Variants in SS18L1 observed in about 807,000 individuals in gnomAD.
SS18L1 encodes the protein calcium-responsive transactivator.
In SS18L1, 32 loss-of-function variants were observed where a neutral mutation model predicts 70.3. The observed-to-expected ratio is 0.46, with a 90% CI of 0.34 to 0.61. SS18L1 has a LOEUF of 0.61. Ranked by LOEUF, SS18L1 falls within the 20% of genes least tolerant of loss-of-function variation. SS18L1 has a pLI of 0.01. For synonymous variants in SS18L1, 237 were observed against 229.7 expected (o/e 1.03, Z -0.29); for missense variants, 430 against 542.1 (o/e 0.79, Z 2.05).
chr20:62,146,605 A>ATTTTTTTGTTTTTTTTTTTTTTTTTTTTT (rs2057031959), intron 1 of SS18L1, among the ~76,000 whole-genome samples: 1 of 79,714 alleles, frequency 1.3e-5, no homozygotes, highest in African/African-American at 5.2e-5. Context: ...TGCTTTGATC[A>ATTTTTTTGTTTTTTTTTTTTTTTTTTTTT]TTTTTTTTTT....
intron 1 of SS18L1, among the ~76,000 whole-genome samples, chr20:62,146,604 C>CTTTTTTTTTTTTTTTTTTT (rs1339898731): frequency 4.1e-4 from 14 of 34,140 alleles, no homozygotes; most frequent in African/African-American, 1.4e-3. Flanking sequence ...CTGCTTTGAT[C>CTTTTTTTTTTTTTTTTTTT]ATTTTTTTTT....
chr20:62,175,798 A>G (rs1181988648), intron 10 of SS18L1, among the ~76,000 whole-genome samples: 1 of 152,232 alleles, frequency 6.6e-6, no homozygotes, highest in Non-Finnish European at 1.5e-5. Flanking sequence ...AGATGTAGAG[A>G]AGCCTAAAGA....
chr20:62,144,634 C>G (rs919023925), intron 1 of SS18L1, among the ~76,000 whole-genome samples: 8 of 152,274 alleles, frequency 5.3e-5, no homozygotes, highest in African/African-American at 1.9e-4. Flanking sequence ...AACCTTTCTT[C>G]TAGCTCCGTA....
At chr20:62,147,444 C>G (rs2145688541) in intron 1 of SS18L1, among the ~76,000 whole-genome samples, 1 of 152,336 alleles carries the variant, frequency 6.6e-6, no homozygotes, top group South Asian at 2.1e-4. Context: ...GCTGTTGGGG[C>G]TGGGCCTGCA....
chr20:62,163,677 G>A lies in SS18L1; in HGVS notation c.721+55G>A, dbSNP rs1009294865. On this transcript the variant is annotated intron_variant, in intron 6 of 10. Coordinates refer to ENST00000331758, the MANE Select transcript of SS18L1 (RefSeq NM_198935.3). The stretch of plus-strand genomic sequence containing the variant: ...ACAGCTGACCGCCGCGGGTCGTGAA[G>A]TGCCAGGCTGTGTGTGCTTCTCTTC... The A allele has an allele frequency of 4.2e-5, 62 of 1,474,000 alleles. No individual in the cohort carries two copies. In the East Asian group the frequency reaches 1.4e-3, roughly 34 times the overall value. 91.3% of individuals were successfully genotyped at this position (1,474,000 alleles called of 1,614,324 possible).
rs1395017902 is a variant in SS18L1, at chr20:62,161,717, G to T, written c.376+137G>T. The stretch of plus-strand genomic sequence containing the variant: ...ACCCACTCCTCCTGGGGTAGCCACA[G>T]GTCGGCTGCCATCGCCCAGGCTCAG... On this transcript the variant is annotated intron_variant, in intron 4 of 10. Coordinates refer to ENST00000331758, the MANE Select transcript of SS18L1 (RefSeq NM_198935.3). The surrounding 1 kb of genome is among the most constrained non-coding windows in gnomAD (Gnocchi z 4.4). 3 of 1,329,566 alleles carry T rather than the reference G, an allele frequency of 2.3e-6. No individual in the cohort carries two copies. The highest frequency in any genetic ancestry group is 3.0e-6 in the Non-Finnish European group (3 of 998,118). The allele number at this position is 1,329,566 out of a possible 1,614,324, so 82.4% of individuals were successfully genotyped here.
rs533181245 is a variant in SS18L1 at position 62,159,755 on chromosome 20, A to G, written c.147-122A>G. On this transcript the variant is annotated intron_variant, in intron 2 of 10. Transcript: ENST00000331758. This position sits in a 1 kb window ranked among gnomAD's most constrained non-coding sequence, Gnocchi z 4.4. The stretch of plus-strand genomic sequence containing the variant: ...TCCAGCTGGGTGTCATCTGGGGTCC[A>G]TGTCCTCATGGGGTTTGGCTGGATG... 3 of 929,274 alleles carry G rather than the reference A, an allele frequency of 3.2e-6. No individual in the cohort carries two copies. The highest frequency in any genetic ancestry group is 4.8e-6 in the Non-Finnish European group (3 of 620,570). The allele number at this position is 929,274 out of a possible 1,614,324, so 57.6% of individuals were successfully genotyped here.
intron 1 of SS18L1, among the ~76,000 whole-genome samples, chr20:62,157,843 A>C (rs1601009231): frequency 2.6e-5 from 4 of 151,954 alleles, no homozygotes; most frequent in African/African-American, 9.7e-5. Flanking sequence ...CCGGTTCCGC[A>C]GTCTCACGCA....
chr20:62,152,355 G>GT (rs2057148798), intron 1 of SS18L1, among the ~76,000 whole-genome samples: 1 of 152,200 alleles, frequency 6.6e-6, no homozygotes, highest in Non-Finnish European at 1.5e-5. Flanking sequence ...CCTCCTTGCT[G>GT]CGGCCCCCGA....
rs187280338 is a variant in SS18L1, at chr20:62,174,965, C to T, written c.1164+321C>T. 5.4e-5 allele frequency: 51 copies of T among 946,328 alleles called. No individual in the cohort carries two copies. The highest frequency in any genetic ancestry group is 5.4e-4 in the Middle Eastern group (1 of 1,840). 58.6% of individuals were successfully genotyped at this position (946,328 alleles called of 1,614,324 possible). On this transcript the variant is annotated intron_variant, in intron 10 of 10. Coordinates refer to ENST00000331758, the MANE Select transcript of SS18L1 (RefSeq NM_198935.3). The surrounding 1 kb of genome is among the most constrained non-coding windows in gnomAD (Gnocchi z 4.1). ...CTCTGCTGAGTGCTTGGTGTGTGGC[C>T]GCGACACGAACCCTGCACTTTTAGA...
Position 62,175,060 on chromosome 20 carries a change from G to T in SS18L1, c.1164+416G>T, listed in dbSNP as rs1455891107. On this transcript the variant is annotated intron_variant, in intron 10 of 10. Transcript: ENST00000331758. The stretch of plus-strand genomic sequence containing the variant: ...GACTGTGCTGAGGACAGAGCGGGGG[G>T]CCCCAAATGGAGCCCGCCTTCCAGA... 5.7e-5 allele frequency: 41 copies of T among 722,064 alleles called. 1 individual carries two copies. The Admixed American group carries it at 2.4e-3, about 42-fold the overall frequency. 44.7% of individuals were successfully genotyped at this position (722,064 alleles called of 1,614,324 possible).
Position 62,158,742 on chromosome 20 carries a change from G to A in SS18L1, c.140G>A (p.Cys47Tyr), listed in dbSNP as rs1436257848. ...EYQSKGKTAECTQYQQILHRN... is the reference protein window; with the variant it reads ...EYQSKGKTAEYTQYQQILHRN... Reference sequence around the variant, plus strand: ...CAGAGCAAGGGCAAGACGGCCGAGTGCACGCAGTGAGTGCCCGCCATACAC... The same window carrying A: ...CAGAGCAAGGGCAAGACGGCCGAGTACACGCAGTGAGTGCCCGCCATACAC... Residue 47 changes from cysteine to tyrosine, a missense_variant, in exon 2 of 11, where the codon TGC (cysteine) becomes TAC (tyrosine). Cys to Tyr is a radical substitution (Grantham distance 194). Coordinates refer to ENST00000331758, the MANE Select transcript of SS18L1 (RefSeq NM_198935.3). This position sits in a 1 kb window ranked among gnomAD's most constrained non-coding sequence, Gnocchi z 4.5. 1.2e-6 allele frequency: 2 copies of A among 1,612,988 alleles called. No homozygotes were observed. The highest frequency in any genetic ancestry group is 8.5e-7 in the Non-Finnish European group (1 of 1,180,026).
At chr20:62,172,328 G>GAAA (rs59726721) in intron 8 of SS18L1, among the ~76,000 whole-genome samples, 2 of 137,158 alleles carry the variant, frequency 1.5e-5, no homozygotes, top group African/African-American at 2.6e-5. Context: ...CCCTGTCTCT[G>GAAA]AAAAAAAAAA....
chr20:62,149,499 C>T (rs2057089845), intron 1 of SS18L1, among the ~76,000 whole-genome samples: 1 of 152,220 alleles, frequency 6.6e-6, no homozygotes, highest in Non-Finnish European at 1.5e-5. Flanking sequence ...CAGGCAGGTC[C>T]TTGGTGTTAC....
In SS18L1 at chr20:62,179,294, CAT is replaced by C; in HGVS notation, c.*87_*88del. ...TGGCGGCAGCTCTGGTGAATTGTGA[CAT>C]GTTGGTTACCTGTTCGCCCAGTGCC... On this transcript the variant is annotated 3_prime_UTR_variant, in exon 11 of 11. Transcript: ENST00000331758. The C allele has an allele frequency of 6.7e-7, 1 of 1,498,794 alleles. No individual in the cohort carries two copies. The highest frequency in any genetic ancestry group is 9.3e-7 in the Non-Finnish European group (1 of 1,076,646). 92.8% of individuals were successfully genotyped at this position (1,498,794 alleles called of 1,614,324 possible).
intron 9 of SS18L1, 143 bp downstream of exon 9, chr20:62,172,944 GC>G (rs1448419466): frequency 1.5e-5 from 23 of 1,491,514 alleles, no homozygotes; most frequent in Admixed American, 2.2e-5. Flanking sequence ...GCTCCTCGGG[GC>G]CCCCCAGCGC....
intron 6 of SS18L1, 104 bp from the exon 7 acceptor site, chr20:62,164,041 G>A: frequency 3.2e-6 from 3 of 946,092 alleles, no homozygotes; most frequent in Non-Finnish European, 3.2e-6. Flanking sequence ...CTCCTCGGGT[G>A]GGTGAGGCCA....
chr20:62,158,568 G>C lies in SS18L1; in HGVS notation c.70-104G>C. On this transcript the variant is annotated intron_variant, in intron 1 of 10. Transcript: ENST00000331758. The surrounding 1 kb of genome is among the most constrained non-coding windows in gnomAD (Gnocchi z 4.5). The stretch of plus-strand genomic sequence containing the variant: ...TGAAATCTGACACGTTTCACGTAAG[G>C]GACGCTCAACCTATATGAAAACTAG... 6.7e-7 allele frequency: 1 copy of C among 1,499,666 alleles called. No homozygotes were observed. The highest frequency in any genetic ancestry group is 9.0e-7 in the Non-Finnish European group (1 of 1,115,534). The allele number at this position is 1,499,666 out of a possible 1,614,324, so 92.9% of individuals were successfully genotyped here.
At chr20:62,176,489 G>A (rs2057622025) in intron 10 of SS18L1, among the ~76,000 whole-genome samples, 1 of 152,014 alleles carries the variant, frequency 6.6e-6, no homozygotes, top group East Asian at 1.9e-4. Context: ...CTCCAGCCTG[G>A]GCTACAGAGA....
Sources: allele counts gnomAD v4.1 joint callset (sites outside exome capture counted in the v4.1 genomes callset), GRCh38; gene constraint gnomAD v4.1.1; non-coding constraint Gnocchi (gnomAD v3.1); transcripts MANE v1.5; gene names NCBI Gene and HGNC (gene_info 2026-07-23, HGNC 2026-07-21).